Variants in ATF1 observed in about 807,000 individuals in gnomAD.
ATF1 encodes the protein activating transcription factor 1.
Under a neutral mutation model 34.7 loss-of-function variants are expected in ATF1, and 16 were observed. The observed-to-expected ratio is 0.46, with a 90% confidence interval of 0.31 to 0.70. ATF1 has a LOEUF of 0.70. Among genes scored for constraint, ATF1 ranks in the 30% least tolerant of loss-of-function variants. The pLI, the probability that ATF1 is intolerant of heterozygous loss-of-function variation, is 0.05. For missense variants in ATF1, 255 were observed against 321.6 expected, an observed-to-expected ratio of 0.79 and a Z score of 1.58; for synonymous variants, 105 against 113.1, an observed-to-expected ratio of 0.93 and a Z score of 0.46.
chr12:50,789,892 G>A (rs917804990), intron 2 of ATF1, among the ~76,000 whole-genome samples: 1 of 152,128 alleles, frequency 6.6e-6, no homozygotes, highest in African/African-American at 2.4e-5. Flanking sequence ...TGAGTAATGA[G>A]CATTTTGTGA....
chr12:50,812,564 G>C (rs904884703), intron 4 of ATF1, among the ~76,000 whole-genome samples: 1 of 152,210 alleles, frequency 6.6e-6, no homozygotes, highest in African/African-American at 2.4e-5. Context: ...TGGCGTGTTG[G>C]ATCACGCCTG....
chr12:50,779,475 C>T (rs1051671179), intron 1 of ATF1, among the ~76,000 whole-genome samples: 3 of 151,068 alleles, frequency 2.0e-5, no homozygotes, highest in Non-Finnish European at 4.4e-5. Flanking sequence ...GGTGATATTT[C>T]GTTGTAGTTT....
intron 2 of ATF1, among the ~76,000 whole-genome samples, chr12:50,786,220 C>G (rs1941182589): frequency 6.6e-6 from 1 of 152,128 alleles, no homozygotes; most frequent in African/African-American, 2.4e-5. Context: ...CAGACTCCCC[C>G]AAGATGCAGA....
At chr12:50,817,476 A>AT (rs1267517889) in intron 6 of ATF1, among the ~76,000 whole-genome samples, 2 of 152,206 alleles carry the variant, frequency 1.3e-5, no homozygotes, top group Non-Finnish European at 2.9e-5. Flanking sequence ...TTAGGGTCAT[A>AT]TACGTATATA....
rs118007346 is a variant in ATF1 at position 50,811,198 on chromosome 12, C to G, written c.328+1609C>G. Reference sequence around the variant, plus strand: ...GTGTCACCTCCACAAAGAGACCACTCTCTTCAAATATGTGGCTCCTCCCTT... The same window carrying G: ...GTGTCACCTCCACAAAGAGACCACTGTCTTCAAATATGTGGCTCCTCCCTT... On this transcript the variant is annotated intron_variant, in intron 4 of 6. Transcript: ENST00000262053. 5.3e-3 allele frequency among the ~76,000 whole-genome samples: 800 copies of G among 152,320 alleles called. 5 individuals are homozygous for G. Among genetic ancestry groups the G allele is most frequent in the Middle Eastern group, 0.014 (4 of 294 alleles).
intron 1 of ATF1, among the ~76,000 whole-genome samples, chr12:50,770,265 T>C (rs1034133932): frequency 2.0e-5 from 3 of 152,220 alleles, no homozygotes; most frequent in Non-Finnish European, 4.4e-5. Flanking sequence ...TTACCAAGGC[T>C]TTGACTGAAA....
At chr12:50,794,581 A>G (rs920873057) in intron 2 of ATF1, among the ~76,000 whole-genome samples, 3 of 151,858 alleles carry the variant, frequency 2.0e-5, no homozygotes, top group Non-Finnish European at 4.4e-5. Context: ...AAAAAAATTC[A>G]GATGAAGTCG....
intron 3 of ATF1, 83 bp from the exon 4 acceptor site, chr12:50,809,373 C>CA (rs56060219): frequency 0.053 from 39,959 of 753,144 alleles, 593 homozygotes; most frequent in East Asian, 0.19. Context: ...GATCTTGTCT[C>CA]AAAAAAAAAA....
chr12:50,788,431 C>G, intron 2 of ATF1: 1 of 306,918 alleles, frequency 3.3e-6, no homozygotes, highest in South Asian at 2.6e-5. Context: ...AATAATCTGC[C>G]CACCTCAGCC....
In ATF1 at chr12:50,789,852, G is replaced by T. The variant is rs1253934919; in HGVS notation, c.94-6057G>T. Among the ~76,000 whole-genome samples the T allele has an allele frequency of 5.3e-5, 8 of 152,280 alleles. No homozygotes were observed. In the East Asian group the frequency reaches 1.5e-3, roughly 29 times the overall value. On this transcript the variant is annotated intron_variant, in intron 2 of 6. Coordinates refer to ENST00000262053, the MANE Select transcript of ATF1 (RefSeq NM_005171.5). ...TTAGATTATCAGGTTTGAGAGTGGGGTTGGGAAGAGAATCAGGACTTTGAG... is the reference window on the plus strand; with the variant it reads ...TTAGATTATCAGGTTTGAGAGTGGGTTTGGGAAGAGAATCAGGACTTTGAG...
intron 1 of ATF1, among the ~76,000 whole-genome samples, chr12:50,765,633 CCAGA>C: frequency 6.6e-6 from 1 of 152,212 alleles, no homozygotes; most frequent in African/African-American, 2.4e-5. Context: ...GGCTGCATTC[CCAGA>C]CAGTTAAGGC....
In ATF1 at chr12:50,809,604, C is replaced by T; in HGVS notation, c.328+15C>T. On this transcript the variant is annotated intron_variant, in intron 4 of 6. Transcript: ENST00000262053. ...CGGACAGTACAGTATGTATAGGAAT[C>T]AGTTTCCACATTATAAACACACAAA... 2 of 1,594,566 alleles carry T rather than the reference C, an allele frequency of 1.3e-6. No homozygotes were observed. Among genetic ancestry groups the T allele is most frequent in the Non-Finnish European group, 1.7e-6 (2 of 1,169,778 alleles).
Position 50,780,225 on chromosome 12 carries a change from A to G in ATF1, c.80A>G (p.His27Arg). 6.2e-7 allele frequency: 1 copy of G among 1,610,282 alleles called. No individual in the cohort carries two copies. Among genetic ancestry groups the G allele is most frequent in the Non-Finnish European group, 8.5e-7 (1 of 1,176,774 alleles). The change falls in exon 2 of 7, where the codon CAT becomes CGT. Residue 27 changes from histidine to arginine, a missense_variant. By Grantham distance (29) the His-to-Arg change is conservative (BLOSUM62 0). Transcript: ENST00000262053. The part of the protein sequence containing the change: ...GSAVQGAHIS[H>R]IAQQVSSLSE... ...GCAGTTCAGGGAGCTCACATTTCTC[A>G]TATTGCTCAACAGGTAAGGGAGGGA...
chr12:50,819,839 G>T lies in ATF1; in HGVS notation c.*60G>T. 3.7e-6 allele frequency: 5 copies of T among 1,365,964 alleles called. No homozygotes were observed. In the East Asian group the frequency reaches 9.4e-5, roughly 26 times the overall value. 84.6% of individuals were successfully genotyped at this position (1,365,964 alleles called of 1,614,324 possible). On this transcript the variant is annotated 3_prime_UTR_variant, in exon 7 of 7. Coordinates refer to ENST00000262053, the MANE Select transcript of ATF1 (RefSeq NM_005171.5). ...TAAAAATTAAATGGATTTCCTAGTGGAGTTTTATAAATTAAAAGGTCAAAA... is the reference window on the plus strand; with the variant it reads ...TAAAAATTAAATGGATTTCCTAGTGTAGTTTTATAAATTAAAAGGTCAAAA...
chr12:50,768,908 C>T (rs1228579748), intron 1 of ATF1, among the ~76,000 whole-genome samples: 1 of 152,152 alleles, frequency 6.6e-6, no homozygotes, highest in African/African-American at 2.4e-5. Context: ...TAGATAAGGC[C>T]TGGGGACATG....
intron 1 of ATF1, among the ~76,000 whole-genome samples, chr12:50,772,318 C>CTTTT (rs71086475): frequency 3.4e-5 from 4 of 116,032 alleles, no homozygotes; most frequent in Admixed American, 1.8e-4. Context: ...TGCTCCATTC[C>CTTTT]TTTTTTTTTT....
At chr12:50,764,990 C>G (rs1311836772) in intron 1 of ATF1, among the ~76,000 whole-genome samples, 4 of 152,198 alleles carry the variant, frequency 2.6e-5, no homozygotes, top group Non-Finnish European at 5.9e-5. Flanking sequence ...TCTCTTTGAT[C>G]TTGTATGTCA....
intron 2 of ATF1, among the ~76,000 whole-genome samples, chr12:50,787,998 A>C (rs895979653): frequency 2.0e-5 from 3 of 152,134 alleles, no homozygotes; most frequent in African/African-American, 7.2e-5. Context: ...TGTAGAGATG[A>C]GTCAATGGAT....
chr12:50,778,203 A>G (rs1489542775), intron 1 of ATF1, among the ~76,000 whole-genome samples: 1 of 147,662 alleles, frequency 6.8e-6, no homozygotes, highest in Non-Finnish European at 1.5e-5. Flanking sequence ...GGCGTGAGCC[A>G]CCACACCTGG....
Sources: gnomAD v4.1 joint callset for allele counts (sites outside exome capture counted in the v4.1 genomes callset) on GRCh38, gnomAD v4.1.1 for gene constraint, MANE v1.5 for transcripts, NCBI Gene and HGNC (gene_info 2026-07-23, HGNC 2026-07-21) for gene names.